TMEM108: variants seen among roughly 807,000 people sequenced by gnomAD.
The protein encoded by TMEM108 is cancer/testis antigen 124.
A neutral mutation model predicts 35.1 loss-of-function variants in TMEM108; 12 were observed. The observed-to-expected ratio is 0.34, with a 90% CI of 0.22 to 0.55. TMEM108 has a LOEUF of 0.55. TMEM108 is among the 20% of genes least tolerant of loss of function. The pLI, the probability that TMEM108 is intolerant of heterozygous loss-of-function variation, is 0.89. For missense variants in TMEM108, 680 were observed against 753.3 expected (o/e 0.90, Z 1.14); for synonymous variants, 287 against 308.6 (o/e 0.93, Z 0.73).
chr3:133,168,449 T>G (rs1945077395), intron 2 of TMEM108, among the ~76,000 whole-genome samples: 1 of 152,202 alleles, frequency 6.6e-6, no homozygotes, highest in South Asian at 2.1e-4. Flanking sequence ...CACATCCTTT[T>G]CTTAGGAACC....
intron 2 of TMEM108, among the ~76,000 whole-genome samples, chr3:133,053,247 G>A (rs1238557444): frequency 6.6e-6 from 1 of 152,138 alleles, no homozygotes; most frequent in Non-Finnish European, 1.5e-5. Flanking sequence ...ATTCACTGCA[G>A]CTAAATCTCC....
chr3:133,197,438 G>A (rs906993129), intron 2 of TMEM108, among the ~76,000 whole-genome samples: 2 of 152,132 alleles, frequency 1.3e-5, no homozygotes, highest in Non-Finnish European at 2.9e-5. Context: ...GCATTTGGTA[G>A]GTAGGAGCTT....
chr3:133,203,309 G>A (rs962574937), intron 2 of TMEM108, among the ~76,000 whole-genome samples: 10 of 152,142 alleles, frequency 6.6e-5, no homozygotes, highest in African/African-American at 2.4e-4. Context: ...GACTGCCCTG[G>A]CCAGAACTTC....
chr3:133,196,755 C>G (rs1020788871), intron 2 of TMEM108, among the ~76,000 whole-genome samples: 3 of 152,198 alleles, frequency 2.0e-5, no homozygotes, highest in Non-Finnish European at 4.4e-5. Flanking sequence ...CATCCCAAGG[C>G]TCCTTCAGTG....
intron 3 of TMEM108, among the ~76,000 whole-genome samples, chr3:133,363,815 TTAA>T (rs1376706749): frequency 6.6e-6 from 1 of 152,088 alleles, no homozygotes; most frequent in African/African-American, 2.4e-5. Context: ...AAGTGGAAAA[TTAA>T]TAATTAGCCC....
intron 2 of TMEM108, among the ~76,000 whole-genome samples, chr3:133,069,731 A>T (rs1005152453): frequency 2.6e-5 from 4 of 152,078 alleles, no homozygotes; most frequent in Non-Finnish European, 5.9e-5. Context: ...TTTACCCATC[A>T]TCCTGTAGCC....
At chr3:133,082,519 C>T (rs1030387509) in intron 2 of TMEM108, among the ~76,000 whole-genome samples, 8 of 152,126 alleles carry the variant, frequency 5.3e-5, no homozygotes, top group Admixed American at 2.6e-4. Flanking sequence ...TTGACTTGGA[C>T]GCTTCTGGTT....
At chr3:133,148,155 A>G (rs1944748170) in intron 2 of TMEM108, among the ~76,000 whole-genome samples, 1 of 152,238 alleles carries the variant, frequency 6.6e-6, no homozygotes, top group Admixed American at 6.5e-5. Context: ...TGGTTTCTGA[A>G]TATCATTTTC....
In TMEM108 at chr3:133,292,485, CT is replaced by C. The variant is rs1487027024; in HGVS notation, c.40+63137del. Among the ~76,000 whole-genome samples the C allele has an allele frequency of 3.3e-5, 5 of 152,126 alleles. No individual in the cohort carries two copies. In the East Asian group the frequency reaches 9.6e-4, roughly 29 times the overall value. Reference sequence around the variant, plus strand: ...TTGTCTGCCTCTTGCTTGCTGTTAGCTTTGGCACTGATTGTCATCATAAGAG... The same window carrying C: ...TTGTCTGCCTCTTGCTTGCTGTTAGCTTGGCACTGATTGTCATCATAAGAG... On this transcript the variant is annotated intron_variant, in intron 3 of 5. Transcript: ENST00000321871.
chr3:133,216,441 TA>T (rs2107845651), intron 2 of TMEM108, among the ~76,000 whole-genome samples: 1 of 152,244 alleles, frequency 6.6e-6, no homozygotes, highest in African/African-American at 2.4e-5. Flanking sequence ...TTCCCTTGCA[TA>T]TTTTTTATGG....
intron 3 of TMEM108, among the ~76,000 whole-genome samples, chr3:133,310,820 T>A (rs4447761): frequency 0.98 from 148,424 of 152,222 alleles, 72,449 homozygotes; most frequent in East Asian, 1. Flanking sequence ...CATAGCATCA[T>A]TGGTCTTTAC....
At chr3:133,122,593 C>T (rs143419520) in intron 2 of TMEM108, among the ~76,000 whole-genome samples, 10 of 152,168 alleles carry the variant, frequency 6.6e-5, no homozygotes, top group African/African-American at 1.2e-4. Flanking sequence ...TGGCCAGGCA[C>T]GGTGGCTCAC....
rs144674201 is a variant in TMEM108, at chr3:133,277,392, G to A, written c.40+48041G>A. ...ACGTATTAGTAAATCTCTGTAAAGA[G>A]TACAAAAGTTTATTATACTATTCTT... On this transcript the variant is annotated intron_variant, in intron 3 of 5. Transcript: ENST00000321871. Among the ~76,000 whole-genome samples, 999 of 152,266 alleles carry A rather than the reference G, an allele frequency of 6.6e-3. 7 individuals are homozygous for A. Among genetic ancestry groups the A allele is most frequent in the African/African-American group, 0.022 (931 of 41,550 alleles).
At chr3:133,162,435 A>G (rs9841125) in intron 2 of TMEM108, among the ~76,000 whole-genome samples, 16,581 of 152,272 alleles carry the variant, frequency 0.11, 1,055 homozygotes, top group Non-Finnish European at 0.14. Flanking sequence ...AAGATGAAAA[A>G]TGCTCTCATT....
chr3:133,338,441 A>G (rs1163558391), intron 3 of TMEM108, among the ~76,000 whole-genome samples: 2 of 152,172 alleles, frequency 1.3e-5, no homozygotes, highest in African/African-American at 4.8e-5. Context: ...TTATCCTAGA[A>G]TAGTGTATCC....
At chr3:133,171,379 A>T (rs1288591634) in intron 2 of TMEM108, among the ~76,000 whole-genome samples, 1 of 152,218 alleles carries the variant, frequency 6.6e-6, no homozygotes, top group African/African-American at 2.4e-5. Flanking sequence ...AAAGCAAAAT[A>T]TGCATGTGTC....
At chr3:133,376,673 G>A (rs1402297108) in intron 3 of TMEM108, among the ~76,000 whole-genome samples, 2 of 152,060 alleles carry the variant, frequency 1.3e-5, no homozygotes, top group Non-Finnish European at 2.9e-5. Flanking sequence ...CTCCACTGAC[G>A]TCCCCTGTGA....
At chr3:133,093,733 C>T (rs906697706) in intron 2 of TMEM108, among the ~76,000 whole-genome samples, 2 of 152,244 alleles carry the variant, frequency 1.3e-5, no homozygotes, top group Middle Eastern at 3.4e-3. Context: ...ACAGAAGGCT[C>T]CAACATTTAA....
intron 2 of TMEM108, among the ~76,000 whole-genome samples, chr3:133,075,772 A>G (rs979415440): frequency 6.6e-6 from 1 of 152,156 alleles, no homozygotes; most frequent in Non-Finnish European, 1.5e-5. Flanking sequence ...ATCAGAAGCT[A>G]TTTCGCCCAT....
Sources: gnomAD v4.1 joint callset for allele counts (sites outside exome capture counted in the v4.1 genomes callset) on GRCh38, gnomAD v4.1.1 for gene constraint, MANE v1.5 for transcripts, NCBI Gene and HGNC (gene_info 2026-07-23, HGNC 2026-07-21) for gene names.